VPS8: variants seen among roughly 807,000 people sequenced by gnomAD.
The protein encoded by VPS8 is VPS8 subunit of CORVET complex, also known as vacuolar protein sorting-associated protein 8 homolog.
Under a neutral mutation model 216.4 loss-of-function variants are expected in VPS8, and 129 were observed. That is an observed-to-expected ratio of 0.60 (90% CI 0.52 to 0.69). The LOEUF is 0.69. VPS8 is among the 30% of genes least tolerant of loss of function. The pLI, the probability that VPS8 is intolerant of heterozygous loss-of-function variation, is 0.00. For synonymous variants in VPS8, 571 were observed against 565.4 expected (o/e 1.01, Z -0.14); for missense variants, 1,531 against 1,683.5 (o/e 0.91, Z 1.59).
intron 7 of VPS8, chr3:184,840,063 T>G: frequency 3.1e-6 from 1 of 322,336 alleles, no homozygotes; most frequent in Non-Finnish European, 4.7e-6. Context: ...CCTCCGGTTG[T>G]TGGTGGTGGG....
chr3:184,896,434 C>T (rs998917648), intron 23 of VPS8, among the ~76,000 whole-genome samples: 3 of 152,162 alleles, frequency 2.0e-5, no homozygotes, highest in Non-Finnish European at 4.4e-5. Context: ...AGACTTCTCC[C>T]CTTTTTCCTC....
chr3:184,929,087 T>C (rs868064059), intron 32 of VPS8, among the ~76,000 whole-genome samples: 1 of 152,238 alleles, frequency 6.6e-6, no homozygotes, highest in South Asian at 2.1e-4. Flanking sequence ...ACATAATATT[T>C]AGCAGCCTCT....
chr3:184,838,719 A>C lies in VPS8; in HGVS notation c.453A>C (p.Lys151Asn). Residue 151 changes from lysine to asparagine, a missense_variant, in exon 6 of 48, where the codon AAA (lysine) becomes AAC (asparagine). By Grantham distance (94) the Lys-to-Asn change is moderately conservative (BLOSUM62 0). This residue lies in a region of VPS8 where 199 missense variants were observed against 182.2 expected (regional missense o/e 1.09). Coordinates refer to ENST00000625842, the MANE Select transcript of VPS8 (RefSeq NM_001009921.3). ...ISAQIVSAAD[K>N]VDAGLPTAIA... is the part of the protein sequence containing the mutation. Reference sequence around the variant, plus strand: ...TTCTTTAAAATTTCATTTAGGACAAAGTAGATGCTGGCTTGCCTACAGCAA... The same window carrying C: ...TTCTTTAAAATTTCATTTAGGACAACGTAGATGCTGGCTTGCCTACAGCAA... 1 of 1,542,746 alleles carries C rather than the reference A, an allele frequency of 6.5e-7. No homozygotes were observed. Among genetic ancestry groups the C allele is most frequent in the Non-Finnish European group, 8.7e-7 (1 of 1,144,908 alleles).
rs189864943 is a variant in VPS8 at position 184,886,759 on chromosome 3, T to G, written c.1781+603T>G. The stretch of plus-strand genomic sequence containing the variant: ...CACACCCGGCTAATTTTTTGTATCT[T>G]TAATAGAGACGGGGTTTCACCATGT... On this transcript the variant is annotated intron_variant, in intron 22 of 47. Transcript: ENST00000625842. Among the ~76,000 whole-genome samples the G allele has an allele frequency of 5.9e-4, 90 of 152,128 alleles. No individual in the cohort carries two copies. In the East Asian group the frequency reaches 0.015, roughly 25 times the overall value.
At chr3:184,940,751 G>A (rs1233998865) in intron 36 of VPS8, among the ~76,000 whole-genome samples, 1 of 152,184 alleles carries the variant, frequency 6.6e-6, no homozygotes, top group African/African-American at 2.4e-5. Flanking sequence ...CTACTCTGAT[G>A]TTTATATCAA....
At chr3:185,031,063 GTTTTTTTT>G (rs765510619) in intron 46 of VPS8, among the ~76,000 whole-genome samples, 4 of 64,346 alleles carry the variant, frequency 6.2e-5, no homozygotes, top group African/African-American at 2.8e-4. Context: ...ACAGGTTGGC[GTTTTTTTT>G]TTTTTTTTTT....
chr3:184,845,614 G>T (rs1052163659), intron 8 of VPS8, among the ~76,000 whole-genome samples: 1 of 152,122 alleles, frequency 6.6e-6, no homozygotes, highest in Admixed American at 6.5e-5. Context: ...AATTAGCTGG[G>T]CATGTTGATG....
At chr3:184,993,856 A>C in intron 42 of VPS8, 127 bp from the exon 43 acceptor site, 1 of 740,488 alleles carries the variant, frequency 1.4e-6, no homozygotes, top group South Asian at 2.1e-5. Context: ...TGGAAAGTTC[A>C]TGGAAGAATA....
chr3:184,896,989 G>A (rs1733615567), intron 23 of VPS8, among the ~76,000 whole-genome samples: 1 of 152,024 alleles, frequency 6.6e-6, no homozygotes, highest in South Asian at 2.1e-4. Flanking sequence ...GCAACAGCTA[G>A]CATTTAAAAA....
chr3:184,818,374 T>TC (rs1475770516), intron 1 of VPS8, among the ~76,000 whole-genome samples: 5 of 151,808 alleles, frequency 3.3e-5, no homozygotes, highest in African/African-American at 9.7e-5. Flanking sequence ...ATTCAAAAAA[T>TC]TAGCTGGGCA....
At chr3:184,898,286 TC>T (rs1210926531) in intron 23 of VPS8, among the ~76,000 whole-genome samples, 6 of 152,042 alleles carry the variant, frequency 3.9e-5, no homozygotes, top group Admixed American at 3.3e-4. Flanking sequence ...GAACTATTGA[TC>T]AAAGGTAAAA....
intron 11 of VPS8, 76 bp downstream of exon 11, chr3:184,852,643 A>AGGACTAGAAAGCCC: frequency 5.1e-6 from 7 of 1,369,986 alleles, no homozygotes; most frequent in Middle Eastern, 2.0e-4. Context: ...GAACATGAAG[A>AGGACTAGAAAGCCC]GGACTAGAAA....
intron 42 of VPS8, among the ~76,000 whole-genome samples, chr3:184,993,380 T>C (rs1476744192): frequency 1.3e-5 from 2 of 152,028 alleles, no homozygotes; most frequent in Non-Finnish European, 2.9e-5. Context: ...TTTTGTACAC[T>C]TCAGTGTTTC....
At chr3:184,926,449 T>C in intron 30 of VPS8, 145 bp from the exon 31 acceptor site, 1 of 671,370 alleles carries the variant, frequency 1.5e-6, no homozygotes, top group Non-Finnish European at 2.5e-6. Context: ...GGTTAATCAG[T>C]TGGGAAGGTA....
chr3:184,957,621 T>G (rs1054978396), intron 37 of VPS8, 100 bp downstream of exon 37: 23 of 1,362,648 alleles, frequency 1.7e-5, no homozygotes, highest in Non-Finnish European at 2.2e-5. Context: ...TAATTTCTTT[T>G]TTAAACCTTA....
chr3:184,847,264 T>C (rs1256865067), intron 8 of VPS8, among the ~76,000 whole-genome samples: 1 of 152,224 alleles, frequency 6.6e-6, no homozygotes, highest in Non-Finnish European at 1.5e-5. Context: ...ATTTAAGTCA[T>C]TTTATGAGCA....
chr3:184,993,137 A>G (rs1472425242), intron 42 of VPS8, among the ~76,000 whole-genome samples: 1 of 152,186 alleles, frequency 6.6e-6, no homozygotes, highest in East Asian at 1.9e-4. Context: ...TGGTATGGAA[A>G]AGTGCTCACA....
chr3:184,952,251 C>T (rs561482847), intron 36 of VPS8, among the ~76,000 whole-genome samples: 22 of 151,992 alleles, frequency 1.4e-4, no homozygotes, highest in Non-Finnish European at 2.5e-4. Context: ...AACCTTGATT[C>T]CTCTGATAAT....
chr3:184,901,125 A>G, intron 25 of VPS8, 153 bp downstream of exon 25: 1 of 679,432 alleles, frequency 1.5e-6, no homozygotes, highest in Non-Finnish European at 2.5e-6. Flanking sequence ...AGAAGGAGCC[A>G]TAGCTTCTCA....
Sources: gnomAD v4.1 joint callset for allele counts (sites outside exome capture counted in the v4.1 genomes callset) on GRCh38, gnomAD v4.1.1 for gene constraint, gnomAD v4.1.1 regional missense constraint, MANE v1.5 for transcripts, NCBI Gene and HGNC (gene_info 2026-07-23, HGNC 2026-07-21) for gene names.